Variants in NAV3 observed in about 807,000 individuals in gnomAD.
NAV3 encodes pore membrane and/or filament interacting like protein 1.
A neutral mutation model predicts 244.7 loss-of-function variants in NAV3; 87 were observed. The ratio of observed to expected loss-of-function variants is 0.36; its 90% CI spans 0.30 to 0.42. The LOEUF (loss-of-function observed/expected upper bound fraction) is 0.42, where lower values mean the gene tolerates loss of function less well. Ranked by LOEUF, NAV3 falls within the 20% of genes least tolerant of loss-of-function variation. NAV3 has a pLI of 1.00. For missense variants in NAV3, 2,663 were observed against 2,893.3 expected (o/e 0.92, Z 1.83); for synonymous variants, 1,126 against 1,042.2 (o/e 1.08, Z -1.55).
intron 2 of NAV3, among the ~76,000 whole-genome samples, chr12:77,589,602 A>T (rs1260531973): frequency 6.6e-6 from 1 of 152,216 alleles, no homozygotes; most frequent in Non-Finnish European, 1.5e-5. Flanking sequence ...GAATTCCCTT[A>T]TAAAACCATC....
chr12:78,026,173 G>A lies in NAV3; in HGVS notation c.2023+4311G>A, dbSNP rs191401213. On this transcript the variant is annotated intron_variant, in intron 9 of 39. Coordinates refer to ENST00000397909, the MANE Select transcript of NAV3 (RefSeq NM_001024383.2). ...GATTTAATATCGATATTATCTCATG[G>A]CTTTAAATTTCATCTATATTCTGAT... 4.0e-3 allele frequency among the ~76,000 whole-genome samples: 607 copies of A among 152,056 alleles called. 3 individuals carry two copies. The highest frequency in any genetic ancestry group is 5.5e-3 in the Non-Finnish European group (377 of 67,974).
intron 2 of NAV3, among the ~76,000 whole-genome samples, chr12:77,652,899 TC>T (rs1338635002): frequency 1.3e-5 from 2 of 152,256 alleles, no homozygotes; most frequent in Non-Finnish European, 1.5e-5. Context: ...GCTAGATATG[TC>T]TGTTTTTCTG....
In NAV3 at chr12:77,576,199, T is replaced by G. The variant is rs552760913; in HGVS notation, c.72+3933T>G. 2.8e-4 allele frequency among the ~76,000 whole-genome samples: 42 copies of G among 152,212 alleles called. 1 individual carries two copies. Among genetic ancestry groups the G allele is most frequent in the Non-Finnish European group, 5.6e-4 (38 of 67,976 alleles). On this transcript the variant is annotated intron_variant, in intron 2 of 8. Coordinates refer to the NAV3 transcript ENST00000550042. ...ATAGTGTTTGAGATGTGAAGAGTTATGTAAAATGAGAGAAATTATTGTATT... is the reference window on the plus strand; with the variant it reads ...ATAGTGTTTGAGATGTGAAGAGTTAGGTAAAATGAGAGAAATTATTGTATT...
intron 2 of NAV3, among the ~76,000 whole-genome samples, chr12:77,597,358 G>C (rs1286991196): frequency 6.6e-6 from 1 of 152,034 alleles, no homozygotes; most frequent in Admixed American, 6.6e-5. Flanking sequence ...GTCTCTTCCA[G>C]TAAGCCATGG....
At chr12:77,604,954 A>G (rs565240633) in intron 2 of NAV3, among the ~76,000 whole-genome samples, 14 of 152,222 alleles carry the variant, frequency 9.2e-5, no homozygotes, top group Middle Eastern at 3.4e-3. Flanking sequence ...TTTAGACTAC[A>G]TGTTGCCATT....
At chr12:77,785,901 C>G (rs547622845) in intron 2 of NAV3, among the ~76,000 whole-genome samples, 1 of 152,260 alleles carries the variant, frequency 6.6e-6, no homozygotes, top group Admixed American at 6.5e-5. Context: ...TTACAAATTT[C>G]TTAGTAACAG....
At chr12:77,929,898 C>T (rs1486400667) in intron 1 of NAV3, among the ~76,000 whole-genome samples, 1 of 150,682 alleles carries the variant, frequency 6.6e-6, no homozygotes, top group Admixed American at 6.6e-5. Context: ...ATATGCCTGC[C>T]TCGGCCTCCC....
chr12:77,772,627 A>T (rs1030236099), intron 2 of NAV3, among the ~76,000 whole-genome samples: 6 of 152,144 alleles, frequency 3.9e-5, no homozygotes, highest in African/African-American at 1.4e-4. Context: ...TAGTTTGGTT[A>T]TCCTTTTACT....
intron 12 of NAV3, among the ~76,000 whole-genome samples, chr12:78,091,971 C>A (rs964667803): frequency 2.0e-5 from 3 of 152,008 alleles, no homozygotes; most frequent in African/African-American, 7.3e-5. Flanking sequence ...ATGGAAAGAA[C>A]GAAAATGGTA....
At chr12:78,053,242 A>G (rs1883022877) in intron 11 of NAV3, among the ~76,000 whole-genome samples, 1 of 150,436 alleles carries the variant, frequency 6.6e-6, no homozygotes, top group African/African-American at 2.4e-5. Flanking sequence ...TAATATATAT[A>G]TGTATGTATG....
At chr12:77,835,111 GC>G (rs1414396128) in intron 1 of NAV3, among the ~76,000 whole-genome samples, 2 of 152,148 alleles carry the variant, frequency 1.3e-5, no homozygotes, top group African/African-American at 2.4e-5. Context: ...TATTTTGGTT[GC>G]CATCATCGAT....
rs142627290 is a variant in NAV3 at position 78,132,127 on chromosome 12, G to A, written c.4441+3261G>A. Among the ~76,000 whole-genome samples, 34 of 152,228 alleles carry A rather than the reference G, an allele frequency of 2.2e-4. No individual in the cohort carries two copies. In the East Asian group the frequency reaches 6.0e-3, roughly 27 times the overall value. On this transcript the variant is annotated intron_variant, in intron 18 of 39. Transcript: ENST00000397909. Reference sequence around the variant, plus strand: ...TTAACATGGCAACTGAAGCTAACATGTCCATGGTCACAATGTGTTAAAAAA... The same window carrying A: ...TTAACATGGCAACTGAAGCTAACATATCCATGGTCACAATGTGTTAAAAAA...
chr12:77,915,770 T>G (rs1887081057), intron 1 of NAV3, among the ~76,000 whole-genome samples: 1 of 152,000 alleles, frequency 6.6e-6, no homozygotes, highest in Admixed American at 6.6e-5. Context: ...GTCTTTGATA[T>G]GTGTATTTTG....
At chr12:78,021,626 C>T (rs1398213734) in intron 8 of NAV3, 121 bp from the exon 9 acceptor site, 2 of 632,740 alleles carry the variant, frequency 3.2e-6, no homozygotes, top group African/African-American at 1.8e-5. Context: ...ACATTCCAGT[C>T]ATAAAGAAAT....
chr12:77,779,308 G>A (rs900492060), intron 2 of NAV3, among the ~76,000 whole-genome samples: 7 of 152,208 alleles, frequency 4.6e-5, no homozygotes, highest in African/African-American at 1.7e-4. Context: ...CTCAAAGGGT[G>A]TAAAACCAAC....
intron 2 of NAV3, among the ~76,000 whole-genome samples, chr12:77,813,116 C>G (rs1293531946): frequency 6.6e-6 from 1 of 152,182 alleles, no homozygotes; most frequent in East Asian, 1.9e-4. Flanking sequence ...AGCCATCATG[C>G]CTGGCCTAAA....
chr12:78,037,534 G>T (rs1019634381), intron 9 of NAV3: 1 of 578,712 alleles, frequency 1.7e-6, no homozygotes, highest in Non-Finnish European at 3.0e-6. Flanking sequence ...CCTGTTTCTT[G>T]AAGTGATTTT....
intron 12 of NAV3, among the ~76,000 whole-genome samples, chr12:78,087,262 A>G (rs1953685707): frequency 6.6e-6 from 1 of 152,060 alleles, no homozygotes; most frequent in Non-Finnish European, 1.5e-5. Flanking sequence ...TTCTATGAGA[A>G]CTGATTTTGT....
chr12:77,749,118 A>G (rs1040694896), intron 2 of NAV3, among the ~76,000 whole-genome samples: 1 of 152,358 alleles, frequency 6.6e-6, no homozygotes, highest in South Asian at 2.1e-4. Flanking sequence ...GAAGTGAGAA[A>G]GATTCTCCCA....
Sources: allele counts gnomAD v4.1 joint callset (sites outside exome capture counted in the v4.1 genomes callset), GRCh38; gene constraint gnomAD v4.1.1; transcripts MANE v1.5; gene names NCBI Gene and HGNC (gene_info 2026-07-23, HGNC 2026-07-21).